The following AKT3 variants were observed in gnomAD, a reference collection of about 807,000 sequenced individuals.
The protein encoded by AKT3 is RAC-gamma serine/threonine-protein kinase.
A neutral mutation model predicts 65.3 loss-of-function variants in AKT3; 15 were observed. The ratio of observed to expected loss-of-function variants is 0.23; its 90% CI spans 0.15 to 0.35. The LOEUF is 0.35. Ranked by LOEUF, AKT3 falls within the 10% of genes least tolerant of loss-of-function variation. The pLI, the probability that AKT3 is intolerant of heterozygous loss-of-function variation, is 1.00. For missense variants in AKT3, 243 were observed against 576.5 expected, an observed-to-expected ratio of 0.42 and a Z score of 5.92; for synonymous variants, 206 against 183.8, an observed-to-expected ratio of 1.12 and a Z score of -0.98.
chr1:243,644,858 T>G (rs1262867448), intron 5 of AKT3, among the ~76,000 whole-genome samples: 1 of 152,160 alleles, frequency 6.6e-6, no homozygotes, highest in Non-Finnish European at 1.5e-5. Flanking sequence ...TTTTTCTTTT[T>G]GCAATGATGG....
chr1:243,644,073 A>G (rs1458487046), intron 5 of AKT3, among the ~76,000 whole-genome samples: 1 of 152,210 alleles, frequency 6.6e-6, no homozygotes, highest in Non-Finnish European at 1.5e-5. Context: ...AAGTTAACAG[A>G]ACTTCAAACA....
At chr1:243,641,988 A>G (rs1460117052) in intron 5 of AKT3, among the ~76,000 whole-genome samples, 2 of 152,094 alleles carry the variant, frequency 1.3e-5, no homozygotes, top group Non-Finnish European at 2.9e-5. Flanking sequence ...CTTAGGAACA[A>G]TGAGGCTAAA....
At chr1:243,783,135 T>C (rs1572341503) in intron 2 of AKT3, among the ~76,000 whole-genome samples, 2 of 150,252 alleles carry the variant, frequency 1.3e-5, no homozygotes, top group East Asian at 2.0e-4. Context: ...GTGTCCTTTG[T>C]ATATTAATGA....
At chr1:243,661,105 T>A (rs1341263905) in intron 4 of AKT3, among the ~76,000 whole-genome samples, 2 of 152,122 alleles carry the variant, frequency 1.3e-5, no homozygotes, top group African/African-American at 2.4e-5. Flanking sequence ...GTAGGAAGAA[T>A]CAATATCGTG....
At chr1:243,832,501 A>G (rs530218864) in intron 2 of AKT3, among the ~76,000 whole-genome samples, 1 of 152,326 alleles carries the variant, frequency 6.6e-6, no homozygotes, top group South Asian at 2.1e-4. Flanking sequence ...TAACCCTTCT[A>G]TATATAAAAT....
chr1:243,722,079 T>C (rs1010456858), intron 2 of AKT3, among the ~76,000 whole-genome samples: 1 of 152,136 alleles, frequency 6.6e-6, no homozygotes, highest in African/African-American at 2.4e-5. Context: ...TACATTTCAG[T>C]TTTACAGTCA....
rs143198510 is a variant in AKT3 at position 243,644,165 on chromosome 1, C to G, written c.429+1728G>C. ...CTTGGTTCATATATCTTGAGCCTCT[C>G]TAATCTCTATAATTTTTATGCTTAT... On this transcript the variant is annotated intron_variant, in intron 5 of 13. Transcript: ENST00000673466. 5.3e-3 allele frequency among the ~76,000 whole-genome samples: 800 copies of G among 152,272 alleles called. 9 individuals carry two copies. The highest frequency in any genetic ancestry group is 7.6e-3 in the Non-Finnish European group (517 of 68,020).
intron 5 of AKT3, among the ~76,000 whole-genome samples, chr1:243,642,919 C>CA (rs997800512): frequency 2.0e-5 from 3 of 151,898 alleles, no homozygotes; most frequent in Non-Finnish European, 4.4e-5. Flanking sequence ...CATATTTGGT[C>CA]AAAAAAAGAT....
At chr1:243,513,290 G>A (rs1284274283) in intron 12 of AKT3, among the ~76,000 whole-genome samples, 1 of 152,192 alleles carries the variant, frequency 6.6e-6, no homozygotes, top group Non-Finnish European at 1.5e-5. Flanking sequence ...GTTCCTTCTA[G>A]CACAGGATGC....
chr1:243,847,494 C>A (rs1479778102), intron 1 of AKT3, among the ~76,000 whole-genome samples: 2 of 152,118 alleles, frequency 1.3e-5, no homozygotes, highest in Admixed American at 1.3e-4. Context: ...TCTACAAAAT[C>A]AATTTGTAAA....
At chr1:243,584,594 A>T (rs1675654232) in intron 8 of AKT3, among the ~76,000 whole-genome samples, 2 of 152,234 alleles carry the variant, frequency 1.3e-5, no homozygotes. Flanking sequence ...ATTCACCATG[A>T]TCAAGTAGGC....
chr1:243,624,880 T>C, intron 6 of AKT3: 2 of 209,624 alleles, frequency 9.5e-6, no homozygotes, highest in Non-Finnish European at 1.1e-5. Context: ...AACCTCTGTG[T>C]TCTTGAACAT....
chr1:243,729,524 C>T (rs1687415698), intron 2 of AKT3, among the ~76,000 whole-genome samples: 1 of 151,848 alleles, frequency 6.6e-6, no homozygotes, highest in African/African-American at 2.4e-5. Flanking sequence ...TGAAAGTAAC[C>T]ATATCCTTTG....
intron 3 of AKT3, among the ~76,000 whole-genome samples, chr1:243,670,515 T>C (rs1239592403): frequency 6.6e-6 from 1 of 152,204 alleles, no homozygotes; most frequent in African/African-American, 2.4e-5. Context: ...TATTTGCCTT[T>C]TGGTTACGTA....
At chr1:243,803,743 C>A (rs1692536068) in intron 2 of AKT3, among the ~76,000 whole-genome samples, 1 of 151,584 alleles carries the variant, frequency 6.6e-6, no homozygotes, top group Non-Finnish European at 1.5e-5. Flanking sequence ...TACTCCCCGA[C>A]AACTCATAAC....
chr1:243,774,342 A>C (rs1052890773), intron 2 of AKT3, among the ~76,000 whole-genome samples: 3 of 152,186 alleles, frequency 2.0e-5, no homozygotes, highest in Non-Finnish European at 2.9e-5. Flanking sequence ...CATTGCTACA[A>C]TACTGCTTTG....
At chr1:243,667,502 T>G (rs1327748413) in intron 3 of AKT3, among the ~76,000 whole-genome samples, 1 of 152,136 alleles carries the variant, frequency 6.6e-6, no homozygotes, top group Non-Finnish European at 1.5e-5. Context: ...CCTGCAAATC[T>G]TGGTGTTTCT....
chr1:243,604,698 C>T (rs1677267309), intron 8 of AKT3, among the ~76,000 whole-genome samples: 1 of 152,136 alleles, frequency 6.6e-6, no homozygotes, highest in Admixed American at 6.5e-5. Context: ...TGCACAGTAA[C>T]CAGTATTATC....
intron 3 of AKT3, 133 bp from the exon 4 acceptor site, chr1:243,665,016 G>T (rs1034561408): frequency 5.2e-6 from 2 of 383,976 alleles, no homozygotes; most frequent in Non-Finnish European, 9.1e-6. Context: ...CTCCACTCAA[G>T]ATTATTTACA....
Sources: gnomAD v4.1 joint callset for allele counts (sites outside exome capture counted in the v4.1 genomes callset) on GRCh38, gnomAD v4.1.1 for gene constraint, MANE v1.5 for transcripts, NCBI Gene and HGNC (gene_info 2026-07-23, HGNC 2026-07-21) for gene names.